Variants in PANK2 observed in about 807,000 individuals in gnomAD.
PANK2 encodes pantothenate kinase 2.
In PANK2, 36 loss-of-function variants were observed where a neutral mutation model predicts 43.1. The ratio of observed to expected loss-of-function variants is 0.84; its 90% CI spans 0.64 to 1.10. PANK2 has a LOEUF of 1.10. PANK2 is among the 50% of genes least tolerant of loss of function. The pLI is 0.00. For missense variants in PANK2, 576 were observed against 593.3 expected (o/e 0.97, Z 0.30); for synonymous variants, 281 against 238.2 (o/e 1.18, Z -1.66).
intron 1 of PANK2, chr20:3,901,450 CTG>C: frequency 4.5e-6 from 1 of 221,880 alleles, no homozygotes; most frequent in Non-Finnish European, 7.5e-6. Flanking sequence ...TTTTTCTCCT[CTG>C]GAGTTACCTC....
At chr20:3,916,791 A>G in intron 4 of PANK2, 136 bp from the exon 5 acceptor site, 2 of 1,281,828 alleles carry the variant, frequency 1.6e-6, no homozygotes, top group South Asian at 2.6e-5. Flanking sequence ...CAGATGCTCC[A>G]TTGCAAAATA....
chr20:3,889,054 CG>C (rs111828034), upstream of PANK2: 553 of 1,449,978 alleles, frequency 3.8e-4, 2 homozygotes, highest in African/African-American at 4.8e-3. Context: ...TTCCGCGGCC[CG>C]GGGGGGCAGA....
chr20:3,902,569 G>A (rs901358510), intron 1 of PANK2, among the ~76,000 whole-genome samples: 4 of 138,348 alleles, frequency 2.9e-5, no homozygotes, highest in Admixed American at 8.1e-5. Context: ...ATGAGCCACC[G>A]CACCTGGCCT....
At chr20:3,914,226 G>T (rs2090523627) in intron 4 of PANK2, among the ~76,000 whole-genome samples, 1 of 152,020 alleles carries the variant, frequency 6.6e-6, no homozygotes, top group South Asian at 2.1e-4. Flanking sequence ...AATCTTAGCA[G>T]TTTATGAGCG....
At chr20:3,922,800 C>G (rs1423029541) in intron 6 of PANK2, among the ~76,000 whole-genome samples, 1 of 152,194 alleles carries the variant, frequency 6.6e-6, no homozygotes, top group African/African-American at 2.4e-5. Context: ...CGGGCTCTCA[C>G]CCTCTGTGAC....
intron 1 of PANK2, 190 bp downstream of exon 1, chr20:3,889,918 C>T (rs1284571521): frequency 4.6e-6 from 7 of 1,531,848 alleles, no homozygotes; most frequent in African/African-American, 1.4e-5. Context: ...TTCGGGGGCC[C>T]CCCCGCACCC....
At chr20:3,888,944 G>GTT, upstream of PANK2, 1 of 577,092 alleles carries the variant, frequency 1.7e-6, no homozygotes, top group South Asian at 2.7e-5. Context: ...CCGACGACCA[G>GTT]CGGCCAGACG....
chr20:3,899,814 TCTC>T (rs2146836760), intron 1 of PANK2, among the ~76,000 whole-genome samples: 1 of 151,026 alleles, frequency 6.6e-6, no homozygotes, highest in South Asian at 2.1e-4. Context: ...TTCACACCAT[TCTC>T]CTGCCTCAGC....
intron 4 of PANK2, 66 bp downstream of exon 4, chr20:3,912,700 C>T: frequency 1.9e-6 from 3 of 1,578,266 alleles, no homozygotes; most frequent in Middle Eastern, 2.0e-4. Flanking sequence ...GCCTTTAATC[C>T]CAAAACTTTG....
chr20:3,928,425 TCTAA>T lies in PANK2; in HGVS notation c.*5134_*5137del, dbSNP rs763871299. ...CCCAGGGCTGCCTGGAGGAAGCAGC[TCTAA>T]CTTTCATCAGCGGGGACAAAAATGA... is the stretch of plus-strand genomic sequence containing the variant. On this transcript the variant is annotated 3_prime_UTR_variant, in exon 7 of 7. Transcript: ENST00000610179. 6 of 152,186 alleles carry T rather than the reference TCTAA, an allele frequency of 3.9e-5. No individual in the cohort carries two copies. The highest frequency in any genetic ancestry group is 2.1e-4 in the South Asian group (1 of 4,830). 9.4% of individuals were successfully genotyped at this position (152,186 alleles called of 1,614,324 possible). A position where few individuals can be genotyped will look rare whatever the true frequency, so the allele number is the denominator to read the frequency against.
At position 3,889,628 on chromosome 20, in the gene PANK2, G is replaced by A. The variant is rs751025789; in HGVS notation, c.198G>A (p.Gly66=). Residue 66 remains glycine (G), a synonymous_variant, in exon 1 of 7, where the codon GGG becomes GGA. Transcript: ENST00000610179. ...GCAGCGCGTCGGTGCCCGCGGTCGG[G>A]GCCTCGGCTGAGGGCACGAGGCGGG... is the stretch of plus-strand genomic sequence containing the variant. 158 of 1,562,568 alleles carry A rather than the reference G, an allele frequency of 1.0e-4. No individual in the cohort carries two copies. The highest frequency in any genetic ancestry group is 1.3e-4 in the Non-Finnish European group (151 of 1,163,316).
Position 3,912,504 on chromosome 20 carries a change from T to C in PANK2, c.952T>C (p.Cys318Arg). Residue 318 changes from cysteine (C) to arginine (R), a missense_variant, in exon 4 of 7, where the codon TGT becomes CGT. Physicochemically the swap from Cys to Arg is radical, Grantham distance 180 (BLOSUM62 -3). This residue lies in a region of PANK2 where 544 missense variants were observed against 528.9 expected (regional missense o/e 1.03). Transcript: ENST00000610179. ...TGGTCTCTGCTGTCTTCTTACTGGC[T>C]GTACCACTTTTGAAGAAGCTCTTGA... 1.9e-6 allele frequency: 3 copies of C among 1,614,238 alleles called. No homozygotes were observed. The highest frequency in any genetic ancestry group is 2.5e-6 in the Non-Finnish European group (3 of 1,180,038).
chr20:3,889,761 C>T (rs1409427361), intron 1 of PANK2, 33 bp downstream of exon 1: 1 of 1,582,214 alleles, frequency 6.3e-7, no homozygotes, highest in Non-Finnish European at 8.5e-7. Context: ...TCCCGGCCCG[C>T]CCTGCCCCCC....
intron 4 of PANK2, among the ~76,000 whole-genome samples, chr20:3,915,107 T>C (rs2090536975): frequency 6.6e-6 from 1 of 152,194 alleles, no homozygotes; most frequent in African/African-American, 2.4e-5. Flanking sequence ...ATGGTGTCCT[T>C]TGCAGCATGG....
At chr20:3,910,267 TTC>T (rs1370588202) in intron 2 of PANK2, among the ~76,000 whole-genome samples, 2 of 152,070 alleles carry the variant, frequency 1.3e-5, no homozygotes, top group Admixed American at 6.6e-5. Flanking sequence ...AGATCTGAAT[TTC>T]TGTTTGAAGG....
At chr20:3,906,268 AC>A (rs1173052786) in intron 1 of PANK2, among the ~76,000 whole-genome samples, 1 of 151,920 alleles carries the variant, frequency 6.6e-6, no homozygotes, top group Admixed American at 6.6e-5. Context: ...TACAAAAAAT[AC>A]AAAAATTAGG....
At chr20:3,889,172 C>T (rs780163359), upstream of PANK2, 1 of 1,606,508 alleles carries the variant, frequency 6.2e-7, no homozygotes, top group South Asian at 1.1e-5. Context: ...CTGGGCTACA[C>T]CGCCTTCTCT....
chr20:3,892,630 C>G (rs1377009138), intron 1 of PANK2, among the ~76,000 whole-genome samples: 1 of 147,104 alleles, frequency 6.8e-6, no homozygotes, highest in Non-Finnish European at 1.5e-5. Flanking sequence ...GATCGAAGAT[C>G]GCGCCACTGC....
At position 3,892,680 on chromosome 20, in the gene PANK2, A is replaced by AAG. The variant is rs61519218; in HGVS notation, c.298+2953_298+2954insGA. On this transcript the variant is annotated intron_variant, in intron 1 of 6. Coordinates refer to ENST00000610179, the MANE Select transcript of PANK2 (RefSeq NM_001386393.1). ...GACAGAGCGACTCTGTCTCAAAAAA[A>AAG]AAAAAAAAAAAGCCTTACTCTGATA... Among the ~76,000 whole-genome samples the AAG allele has an allele frequency of 8.0e-3, 1,214 of 151,670 alleles. 30 individuals carry two copies. Among genetic ancestry groups the AAG allele is most frequent in the South Asian group, 0.061 (294 of 4,784 alleles).
Sources: gnomAD v4.1 joint callset for allele counts (sites outside exome capture counted in the v4.1 genomes callset) on GRCh38, gnomAD v4.1.1 for gene constraint, gnomAD v4.1.1 regional missense constraint, MANE v1.5 for transcripts, NCBI Gene and HGNC (gene_info 2026-07-23, HGNC 2026-07-21) for gene names.